HARBI1: variants seen among roughly 807,000 people sequenced by gnomAD.
HARBI1 encodes the protein putative nuclease HARBI1.
A neutral mutation model predicts 25.3 loss-of-function variants in HARBI1; 15 were observed. The ratio of observed to expected loss-of-function variants is 0.59; its 90% CI spans 0.40 to 0.91. The LOEUF (loss-of-function observed/expected upper bound fraction) is 0.91, where lower values mean the gene tolerates loss of function less well. HARBI1 is among the 40% of genes least tolerant of loss of function. HARBI1 has a pLI of 0.00. For missense variants in HARBI1, 396 were observed against 445.8 expected, an observed-to-expected ratio of 0.89 and a Z score of 1.01; for synonymous variants, 168 against 160.5, an observed-to-expected ratio of 1.05 and a Z score of -0.35.
intron 2 of HARBI1, among the ~76,000 whole-genome samples, chr11:46,611,069 G>A (rs1314463523): frequency 3.5e-5 from 5 of 143,288 alleles, no homozygotes; most frequent in East Asian, 2.1e-4. Flanking sequence ...GTGCAGTGGC[G>A]TGATCTCGGC....
chr11:46,610,652 C>G (rs993148851), intron 2 of HARBI1, among the ~76,000 whole-genome samples: 2 of 152,136 alleles, frequency 1.3e-5, no homozygotes, highest in Non-Finnish European at 2.9e-5. Flanking sequence ...GAGCGAGACT[C>G]CGTCTCAAAA....
Position 46,615,858 on chromosome 11 carries a change from G to A in HARBI1, c.380C>T (p.Ser127Phe), listed in dbSNP as rs141436294. The change falls in exon 2 of 3, where the codon TCC becomes TTC. Residue 127 changes from serine to phenylalanine, a missense_variant. Physicochemically the swap from Ser to Phe is radical, Grantham distance 155. Transcript: ENST00000326737. The stretch of plus-strand genomic sequence containing the variant: ...GAATTCATCCTTCAGAGCCTGAATG[G>A]AGGCTTCATCAGCTGGAAAGCGAAT... ...QFIRFPADEA[S>F]IQALKDEFYG... The A allele has an allele frequency of 8.1e-6, 13 of 1,614,180 alleles. No homozygotes were observed. Among genetic ancestry groups the A allele is most frequent in the African/African-American group, 1.3e-5 (1 of 75,048 alleles).
At chr11:46,609,504 G>A (rs2135389617) in intron 2 of HARBI1, among the ~76,000 whole-genome samples, 1 of 148,662 alleles carries the variant, frequency 6.7e-6, no homozygotes, top group Non-Finnish European at 1.5e-5. Flanking sequence ...ACGCCACCGT[G>A]CCTGGGTAAT....
intron 2 of HARBI1, among the ~76,000 whole-genome samples, chr11:46,611,285 G>A (rs2045173717): frequency 6.6e-6 from 1 of 152,106 alleles, no homozygotes; most frequent in East Asian, 1.9e-4. Flanking sequence ...GGGATTACAG[G>A]CGTGAGCCAC....
intron 2 of HARBI1, among the ~76,000 whole-genome samples, chr11:46,605,152 C>A (rs182303066): frequency 1.6e-4 from 25 of 152,294 alleles, no homozygotes; most frequent in African/African-American, 5.5e-4. Context: ...GTAAATAGTT[C>A]TGGACTGTTC....
chr11:46,614,989 C>T (rs1015066304), intron 2 of HARBI1, among the ~76,000 whole-genome samples: 2 of 151,598 alleles, frequency 1.3e-5, no homozygotes, highest in African/African-American at 2.4e-5. Flanking sequence ...CTTGGCTAAC[C>T]GCAACCTCCG....
At chr11:46,608,921 T>G (rs2045065972) in intron 2 of HARBI1, among the ~76,000 whole-genome samples, 2 of 149,500 alleles carry the variant, frequency 1.3e-5, no homozygotes, top group South Asian at 4.2e-4. Context: ...GACAAATTTT[T>G]TTTTTCTTTT....
At chr11:46,606,329 T>C (rs1257806715) in intron 2 of HARBI1, among the ~76,000 whole-genome samples, 1 of 152,114 alleles carries the variant, frequency 6.6e-6, no homozygotes, top group Non-Finnish European at 1.5e-5. Flanking sequence ...TTTTTTTTTT[T>C]TGAGACGGAG....
At chr11:46,605,334 C>T (rs2044897310) in intron 2 of HARBI1, among the ~76,000 whole-genome samples, 2 of 152,048 alleles carry the variant, frequency 1.3e-5, no homozygotes. Context: ...TCCCGAATAT[C>T]TGGGACCACA....
chr11:46,614,022 A>C (rs1041914114), intron 2 of HARBI1, among the ~76,000 whole-genome samples: 1 of 152,118 alleles, frequency 6.6e-6, no homozygotes, highest in African/African-American at 2.4e-5. Context: ...GTTTGCAATA[A>C]AAATTCTTGT....
At chr11:46,616,859 A>G in intron 1 of HARBI1, 1 of 953,276 alleles carries the variant, frequency 1.0e-6, no homozygotes, top group Non-Finnish European at 1.2e-6. Flanking sequence ...AAAAAAAAAA[A>G]AAACAACCAA....
intron 2 of HARBI1, among the ~76,000 whole-genome samples, chr11:46,605,857 G>A (rs1042299853): frequency 6.6e-6 from 1 of 151,630 alleles, no homozygotes; most frequent in Non-Finnish European, 1.5e-5. Flanking sequence ...AAAGGGCTGG[G>A]ATTCCAGGCA....
Position 46,602,906 on chromosome 11 carries a change from C to G in HARBI1, c.*624G>C, listed in dbSNP as rs1190142951. ...TTGCCTAGGCTGGAGTGCAATGGCACGATCTCGGCTCACCACAACCTCCGC... is the reference window on the plus strand; with the variant it reads ...TTGCCTAGGCTGGAGTGCAATGGCAGGATCTCGGCTCACCACAACCTCCGC... On this transcript the variant is annotated 3_prime_UTR_variant, in exon 3 of 3. Transcript: ENST00000326737. The G allele has an allele frequency of 7.1e-6, 1 of 140,722 alleles. No homozygotes were observed. The highest frequency in any genetic ancestry group is 1.5e-5 in the Non-Finnish European group (1 of 65,638). 8.7% of individuals were successfully genotyped at this position (140,722 alleles called of 1,614,324 possible).
chr11:46,615,467 T>G, intron 2 of HARBI1, 101 bp downstream of exon 2: 1 of 919,084 alleles, frequency 1.1e-6, no homozygotes, highest in East Asian at 2.4e-5. Context: ...ATCTACCGCC[T>G]CAGCCTCCCA....
chr11:46,608,224 G>A (rs867228463), intron 2 of HARBI1, among the ~76,000 whole-genome samples: 4 of 152,150 alleles, frequency 2.6e-5, no homozygotes, highest in Non-Finnish European at 5.9e-5. Context: ...CTTGAACCCA[G>A]GAGGCACAGG....
At chr11:46,604,739 C>CTA (rs2044873012) in intron 2 of HARBI1, 1 of 980,374 alleles carries the variant, frequency 1.0e-6, no homozygotes, top group South Asian at 4.7e-5. Context: ...TTCTGCCTTC[C>CTA]TATATATCAC....
intron 1 of HARBI1, 152 bp downstream of exon 1, chr11:46,616,971 CG>C (rs1565365364): frequency 3.0e-6 from 3 of 984,470 alleles, no homozygotes; most frequent in Non-Finnish European, 2.4e-6. Context: ...CCAGGAAGTA[CG>C]GAAGACCAGA....
intron 2 of HARBI1, among the ~76,000 whole-genome samples, chr11:46,611,334 A>T (rs2045176222): frequency 6.6e-6 from 1 of 152,148 alleles, no homozygotes; most frequent in Non-Finnish European, 1.5e-5. Flanking sequence ...GAGTTTTTAT[A>T]AGCATTAAGT....
In HARBI1 at chr11:46,616,987, T is replaced by C. The variant is rs187298413; in HGVS notation, c.-145+137A>G. 1.6e-3 allele frequency: 1,581 copies of C among 985,164 alleles called. 28 individuals carry two copies. In the African/African-American group the frequency reaches 0.026, roughly 16 times the overall value. 61.0% of individuals were successfully genotyped at this position (985,164 alleles called of 1,614,324 possible). On this transcript the variant is annotated intron_variant, in intron 1 of 2. Transcript: ENST00000326737. ...CAGGAAGTACGGAAGACCAGACACA[T>C]TGGAAGTCGGGAGCGAAAAAGAGGC...
Sources: allele counts gnomAD v4.1 joint callset (sites outside exome capture counted in the v4.1 genomes callset), GRCh38; gene constraint gnomAD v4.1.1; transcripts MANE v1.5; gene names NCBI Gene and HGNC (gene_info 2026-07-23, HGNC 2026-07-21).